SPINK1: variants seen among roughly 807,000 people sequenced by gnomAD.
SPINK1 encodes serine peptidase inhibitor Kazal type 1.
Under a neutral mutation model 9.5 loss-of-function variants are expected in SPINK1, and 5 were observed. The ratio of observed to expected loss-of-function variants is 0.52; its 90% CI spans 0.27 to 1.10. The LOEUF (loss-of-function observed/expected upper bound fraction) is 1.10, where lower values mean the gene tolerates loss of function less well. Among genes scored for constraint, SPINK1 ranks in the 50% least tolerant of loss-of-function variants. The probability of loss-of-function intolerance (pLI) is 0.11; values close to 1 mark genes in which losing one functional copy is unlikely to be tolerated. For missense variants in SPINK1, 88 were observed against 92.7 expected, an observed-to-expected ratio of 0.95 and a Z score of 0.21; for synonymous variants, 37 against 32.3, an observed-to-expected ratio of 1.14 and a Z score of -0.49.
In SPINK1 at chr5:147,831,629, C is replaced by G; in HGVS notation, c.-52G>C. 1.2e-6 allele frequency: 2 copies of G among 1,608,786 alleles called. No homozygotes were observed. Among genetic ancestry groups the G allele is most frequent in the Non-Finnish European group, 1.7e-6 (2 of 1,178,032 alleles). On this transcript the variant is annotated 5_prime_UTR_variant, in exon 1 of 4. Transcript: ENST00000296695. ...GTTGAAAACTGCACCGCACTTACCA[C>G]GTCTCTTCAGAAGCCTGGGACTGGA...
chr5:147,833,049 G>A (rs1015179138), upstream of SPINK1, among the ~76,000 whole-genome samples: 4 of 152,154 alleles, frequency 2.6e-5, no homozygotes, highest in Admixed American at 1.3e-4. Flanking sequence ...GTATCATAGC[G>A]TAATCAGAGA....
chr5:147,827,231 C>G (rs967137178), intron 3 of SPINK1: 2 of 152,192 alleles, frequency 1.3e-5, no homozygotes, highest in Non-Finnish European at 2.9e-5. Flanking sequence ...CGCCCGCCAC[C>G]ATGGGGTTTC....
At chr5:147,824,795 C>T (rs1756370893) in intron 3 of SPINK1, 89 bp from the exon 4 acceptor site, 1 of 1,202,692 alleles carries the variant, frequency 8.3e-7, no homozygotes, top group South Asian at 1.2e-5. Flanking sequence ...AAAATAACAG[C>T]TTCATTTAAA....
chr5:147,827,983 A>G, intron 3 of SPINK1, 39 bp downstream of exon 3: 1 of 1,480,792 alleles, frequency 6.8e-7, no homozygotes, highest in South Asian at 1.2e-5. Context: ...TAACTAACTT[A>G]AAATATATAG....
At chr5:147,835,381 G>A (rs1179534233), upstream of SPINK1, among the ~76,000 whole-genome samples, 1 of 151,992 alleles carries the variant, frequency 6.6e-6, no homozygotes, top group African/African-American at 2.4e-5. Flanking sequence ...ATATACTGAG[G>A]CCTCATACAA....
At chr5:147,836,620 G>A (rs887402591), upstream of SPINK1, among the ~76,000 whole-genome samples, 15 of 152,036 alleles carry the variant, frequency 9.9e-5, no homozygotes, top group African/African-American at 2.9e-4. Flanking sequence ...AGCATTTGTG[G>A]GCATAGTAGA....
intron 1 of SPINK1, 88 bp from the exon 2 acceptor site, chr5:147,829,718 ACTGT>A: frequency 1.6e-6 from 2 of 1,212,210 alleles, no homozygotes; most frequent in Non-Finnish European, 2.4e-6. Context: ...TTCATTGCAG[ACTGT>A]GACTTCTTTA....
At chr5:147,837,322 A>G in the SPINK1 span, among the ~76,000 whole-genome samples, 2 of 152,158 alleles carry the variant, frequency 1.3e-5, no homozygotes, top group African/African-American at 4.8e-5. Flanking sequence ...AAACAAAAGA[A>G]AAACTTCTGA....
chr5:147,829,180 G>T (rs911634600), intron 2 of SPINK1, among the ~76,000 whole-genome samples: 2 of 152,140 alleles, frequency 1.3e-5, no homozygotes, highest in Admixed American at 6.5e-5. Context: ...TCTAGAAGGA[G>T]AACCTAGTTT....
chr5:147,829,134 C>G (rs111646562), intron 2 of SPINK1, among the ~76,000 whole-genome samples: 19 of 152,098 alleles, frequency 1.2e-4, no homozygotes, highest in African/African-American at 4.3e-4. Context: ...ACCTCTTAAA[C>G]AAAAAAATAT....
At chr5:147,830,996 T>C (rs1193138910) in intron 1 of SPINK1, among the ~76,000 whole-genome samples, 6 of 152,130 alleles carry the variant, frequency 3.9e-5, no homozygotes, top group Non-Finnish European at 8.8e-5. Context: ...GAATTGAAAA[T>C]AAAAAATTCC....
chr5:147,834,411 A>G (rs567421171), upstream of SPINK1, among the ~76,000 whole-genome samples: 2 of 152,228 alleles, frequency 1.3e-5, no homozygotes, highest in Non-Finnish European at 2.9e-5. Flanking sequence ...CTTACTATAC[A>G]AAAATTTTTG....
At chr5:147,833,536 G>T (rs1161984757), upstream of SPINK1, among the ~76,000 whole-genome samples, 1 of 151,790 alleles carries the variant, frequency 6.6e-6, no homozygotes, top group African/African-American at 2.4e-5. Context: ...CCCTTTCTAT[G>T]CATCATCTTC....
rs559917370 is a variant in SPINK1 at position 147,824,812 on chromosome 5, G to C, written c.195-106C>G. On this transcript the variant is annotated intron_variant, in intron 3 of 3. Coordinates refer to ENST00000296695, the MANE Select transcript of SPINK1 (RefSeq NM_001379610.1). ...AATAACAGCTTCATTTAAAGTTGGA[G>C]AGGTTTGAGATTTATAATCTTTTCT... The C allele has an allele frequency of 9.2e-6, 9 of 981,138 alleles. No homozygotes were observed. In the East Asian group the frequency reaches 2.2e-4, roughly 24 times the overall value. The allele number at this position is 981,138 out of a possible 1,614,324, so 60.8% of individuals were successfully genotyped here.
At position 147,830,114 on chromosome 5, in the gene SPINK1, T is replaced by G. The variant is rs6895008; in HGVS notation, c.56-484A>C. On this transcript the variant is annotated intron_variant, in intron 1 of 3. Coordinates refer to ENST00000296695, the MANE Select transcript of SPINK1 (RefSeq NM_001379610.1). ...CATAAGCAGTAACCAGGTCTTCTGA[T>G]GCAAAGTTAGCTTTTTCAATTACAT... Among the ~76,000 whole-genome samples the G allele has an allele frequency of 7.5e-3, 1,148 of 152,334 alleles. 18 individuals are homozygous for G. The highest frequency in any genetic ancestry group is 0.027 in the African/African-American group (1,112 of 41,578).
At chr5:147,836,707 A>G in the SPINK1 span, among the ~76,000 whole-genome samples, 3 of 151,986 alleles carry the variant, frequency 2.0e-5, no homozygotes, top group African/African-American at 7.2e-5. Context: ...CTTTATAACT[A>G]CTCTTAACTG....
the SPINK1 span, among the ~76,000 whole-genome samples, chr5:147,838,088 A>G: frequency 6.6e-6 from 1 of 152,130 alleles, no homozygotes; most frequent in East Asian, 1.9e-4. Context: ...GCCTCCCATC[A>G]GCTCTTTTCA....
upstream of SPINK1, chr5:147,831,807 A>G: frequency 7.2e-7 from 1 of 1,396,274 alleles, no homozygotes. Flanking sequence ...TGGGCCTGAA[A>G]CATGCAAGGC....
At chr5:147,833,460 GCTT>G (rs747235373), upstream of SPINK1, among the ~76,000 whole-genome samples, 10 of 152,064 alleles carry the variant, frequency 6.6e-5, no homozygotes, top group Non-Finnish European at 1.5e-4. Context: ...TCTCCCTACA[GCTT>G]CTTTTCTTTC....
Sources: gnomAD v4.1 joint callset for allele counts (sites outside exome capture counted in the v4.1 genomes callset) on GRCh38, gnomAD v4.1.1 for gene constraint, MANE v1.5 for transcripts, NCBI Gene and HGNC (gene_info 2026-07-23, HGNC 2026-07-21) for gene names.